The following CACNB2 variants were observed in gnomAD, a reference collection of about 807,000 sequenced individuals.
CACNB2 encodes the protein calcium voltage-gated channel auxiliary subunit beta 2.
A neutral mutation model predicts 73.3 loss-of-function variants in CACNB2; 42 were observed. That is an observed-to-expected ratio of 0.57 (90% CI 0.45 to 0.74). The LOEUF (loss-of-function observed/expected upper bound fraction) is 0.74. Ranked by LOEUF, CACNB2 falls within the 30% of genes least tolerant of loss-of-function variation. The pLI, the probability that CACNB2 is intolerant of heterozygous loss-of-function variation, is 0.00. For missense variants in CACNB2, 940 were observed against 853.0 expected (o/e 1.10, Z -1.27); for synonymous variants, 348 against 310.3 (o/e 1.12, Z -1.28).
chr10:18,310,243 A>G (rs577864034), intron 2 of CACNB2, among the ~76,000 whole-genome samples: 1 of 152,280 alleles, frequency 6.6e-6, no homozygotes, highest in African/African-American at 2.4e-5. Context: ...CTCTAAAATT[A>G]AGTCTACTTT....
intron 3 of CACNB2, among the ~76,000 whole-genome samples, chr10:18,463,587 TTTTTTTTG>T (rs1489995889): frequency 0.13 from 14,950 of 113,248 alleles, 880 homozygotes; most frequent in Admixed American, 0.21. Flanking sequence ...GCTAGTTGTT[TTTTTTTTG>T]TTGTTTTTTG....
intron 3 of CACNB2, among the ~76,000 whole-genome samples, chr10:18,475,695 T>A (rs558626429): frequency 6.0e-4 from 91 of 152,310 alleles, no homozygotes; most frequent in African/African-American, 2.0e-3. Context: ...TTAGGAAAGA[T>A]CCTCTGAAAC....
At chr10:18,365,411 A>G (rs550849620) in intron 2 of CACNB2, among the ~76,000 whole-genome samples, 107 of 152,308 alleles carry the variant, frequency 7.0e-4, no homozygotes, top group African/African-American at 2.4e-3. Flanking sequence ...CCAATTATTT[A>G]CAAATAAAAG....
At chr10:18,518,811 G>A in intron 8 of CACNB2, 99 bp from the exon 9 acceptor site, 1 of 1,102,748 alleles carries the variant, frequency 9.1e-7, no homozygotes, top group Non-Finnish European at 1.4e-6. Context: ...CAGATGCAAA[G>A]CTCAGGTTTT....
At chr10:18,425,208 A>T (rs1389376794) in intron 3 of CACNB2, among the ~76,000 whole-genome samples, 2 of 152,030 alleles carry the variant, frequency 1.3e-5, no homozygotes, top group African/African-American at 4.8e-5. Flanking sequence ...GTACAAGAGG[A>T]CTTTCTATAT....
chr10:18,307,196 G>A (rs1365378974), intron 2 of CACNB2, among the ~76,000 whole-genome samples: 2 of 152,172 alleles, frequency 1.3e-5, no homozygotes, highest in Non-Finnish European at 2.9e-5. Context: ...CGGTCACGTG[G>A]CTCCCGCTTG....
chr10:18,442,643 G>A (rs1464090765), intron 3 of CACNB2, among the ~76,000 whole-genome samples: 2 of 151,288 alleles, frequency 1.3e-5, no homozygotes, highest in Non-Finnish European at 1.5e-5. Context: ...TGGCCAACAT[G>A]ATGAAACCCC....
intron 3 of CACNB2, among the ~76,000 whole-genome samples, chr10:18,468,457 C>G (rs1453286557): frequency 6.6e-6 from 1 of 151,884 alleles, no homozygotes; most frequent in South Asian, 2.1e-4. Flanking sequence ...CTGTCTCAAA[C>G]AACAACAACA....
intron 3 of CACNB2, among the ~76,000 whole-genome samples, chr10:18,440,360 T>G (rs974119344): frequency 1.3e-5 from 2 of 151,744 alleles, no homozygotes; most frequent in Admixed American, 6.6e-5. Context: ...GGATGAGGAG[T>G]TGGGGAGTGA....
intron 2 of CACNB2, among the ~76,000 whole-genome samples, chr10:18,356,965 G>GTTTTTTT (rs2041945039): frequency 5.0e-5 from 1 of 19,930 alleles, no homozygotes; most frequent in African/African-American, 1.8e-4. Context: ...TTTTTTTTGA[G>GTTTTTTT]ACGGAGTTTC....
intron 3 of CACNB2, among the ~76,000 whole-genome samples, chr10:18,425,324 T>C (rs1392092925): frequency 2.0e-5 from 3 of 152,216 alleles, no homozygotes; most frequent in Non-Finnish European, 2.9e-5. Flanking sequence ...TCAAGTCCGA[T>C]GTATCTATCT....
intron 2 of CACNB2, among the ~76,000 whole-genome samples, chr10:18,356,000 A>T (rs1325813128): frequency 6.6e-6 from 1 of 151,504 alleles, no homozygotes; most frequent in Admixed American, 6.6e-5. Context: ...TATGCAAAAA[A>T]CCCCACAACT....
At chr10:18,439,428 G>T (rs2046307943) in intron 3 of CACNB2, among the ~76,000 whole-genome samples, 1 of 152,166 alleles carries the variant, frequency 6.6e-6, no homozygotes, top group Non-Finnish European at 1.5e-5. Flanking sequence ...GGAAGGCAGA[G>T]AATTTCTCCT....
intron 2 of CACNB2, among the ~76,000 whole-genome samples, chr10:18,321,667 G>A (rs1053388029): frequency 6.6e-6 from 1 of 152,142 alleles, no homozygotes; most frequent in African/African-American, 2.4e-5. Context: ...TACACATACT[G>A]TGTACTCACA....
intron 2 of CACNB2, among the ~76,000 whole-genome samples, chr10:18,184,939 A>G (rs2034080734): frequency 6.6e-6 from 1 of 152,100 alleles, no homozygotes; most frequent in African/African-American, 2.4e-5. Context: ...TCCCAGGCTC[A>G]GGCAATCCTG....
At position 18,525,048 on chromosome 10, in the gene CACNB2, A is replaced by AAC. The variant is rs1554838146; in HGVS notation, c.945-2536_945-2535dup. ...GCTGTCTAAAAAAAAAAAAAAAAAA[A>AAC]ACACATTATATGACATAGTTCATTG... On this transcript the variant is annotated intron_variant, in intron 9 of 13. Coordinates refer to ENST00000324631, the MANE Select transcript of CACNB2 (RefSeq NM_201596.3). Among the ~76,000 whole-genome samples, 71 of 147,730 alleles carry AAC rather than the reference A, an allele frequency of 4.8e-4. 2 individuals are homozygous for AAC. Among genetic ancestry groups the AAC allele is most frequent in the African/African-American group, 5.2e-4 (21 of 40,218 alleles).
intron 1 of CACNB2, among the ~76,000 whole-genome samples, chr10:18,145,657 C>T (rs953587321): frequency 2.6e-5 from 4 of 152,100 alleles, no homozygotes; most frequent in African/African-American, 7.2e-5. Context: ...ATATGTTAAC[C>T]TCATAGGGGA....
intron 2 of CACNB2, among the ~76,000 whole-genome samples, chr10:18,161,774 T>A (rs1045146038): frequency 4.0e-5 from 6 of 151,766 alleles, no homozygotes; most frequent in African/African-American, 7.3e-5. Context: ...AAATATTTTT[T>A]AAAAATTAGC....
At chr10:18,161,652 G>T (rs10764329) in intron 2 of CACNB2, among the ~76,000 whole-genome samples, 1 of 150,242 alleles carries the variant, frequency 6.7e-6, no homozygotes, top group African/African-American at 2.5e-5. Flanking sequence ...TATAACAACT[G>T]CCCCTTCCCA....
Sources: gnomAD v4.1 joint callset for allele counts (sites outside exome capture counted in the v4.1 genomes callset) on GRCh38, gnomAD v4.1.1 for gene constraint, MANE v1.5 for transcripts, NCBI Gene and HGNC (gene_info 2026-07-23, HGNC 2026-07-21) for gene names.